The following LRRTM4 variants were observed in gnomAD, a reference collection of about 807,000 sequenced individuals.
LRRTM4 encodes leucine rich repeat transmembrane neuronal 4, also known as leucine-rich repeat transmembrane neuronal protein 4.
In LRRTM4, 25 loss-of-function variants were observed where a neutral mutation model predicts 47.6. The observed-to-expected ratio is 0.53, with a 90% CI of 0.38 to 0.73. The LOEUF is 0.73. LRRTM4 is among the 30% of genes least tolerant of loss of function. The pLI, the probability that LRRTM4 is intolerant of heterozygous loss-of-function variation, is 0.00. For synonymous variants in LRRTM4, 311 were observed against 269.5 expected (o/e 1.15, Z -1.51); for missense variants, 638 against 713.4 (o/e 0.89, Z 1.20).
chr2:77,101,222 C>T (rs1005750661), intron 3 of LRRTM4, among the ~76,000 whole-genome samples: 3 of 152,068 alleles, frequency 2.0e-5, no homozygotes, highest in African/African-American at 7.2e-5. Context: ...GGAAATATTA[C>T]ATGAATAAAT....
chr2:77,327,456 T>A (rs1456213032), intron 3 of LRRTM4, among the ~76,000 whole-genome samples: 3 of 152,196 alleles, frequency 2.0e-5, no homozygotes, highest in Admixed American at 6.5e-5. Context: ...CCATGTATAA[T>A]AAAGATTGTT....
At chr2:77,364,231 C>T (rs1573315299) in intron 3 of LRRTM4, among the ~76,000 whole-genome samples, 1 of 152,032 alleles carries the variant, frequency 6.6e-6, no homozygotes, top group African/African-American at 2.4e-5. Context: ...CAAGTGGCTT[C>T]TGAGCACATG....
At chr2:76,884,068 C>A (rs1038404242) in intron 3 of LRRTM4, among the ~76,000 whole-genome samples, 5 of 151,586 alleles carry the variant, frequency 3.3e-5, no homozygotes, top group African/African-American at 9.7e-5. Context: ...AATCCACCCA[C>A]CTCGACCTCC....
intron 3 of LRRTM4, among the ~76,000 whole-genome samples, chr2:76,833,272 T>C (rs1376934480): frequency 6.6e-6 from 1 of 152,148 alleles, no homozygotes; most frequent in East Asian, 1.9e-4. Context: ...GAATCCTCCG[T>C]GACTTATCCA....
At chr2:77,333,601 G>T (rs2104257060) in intron 3 of LRRTM4, among the ~76,000 whole-genome samples, 1 of 152,334 alleles carries the variant, frequency 6.6e-6, no homozygotes, top group South Asian at 2.1e-4. Flanking sequence ...AAGAATTGAG[G>T]TTTGAGAATC....
intron 3 of LRRTM4, among the ~76,000 whole-genome samples, chr2:77,173,433 C>T (rs1673109281): frequency 6.6e-6 from 1 of 152,082 alleles, no homozygotes; most frequent in Non-Finnish European, 1.5e-5. Flanking sequence ...CTGTAATTTT[C>T]CTGACATATA....
Position 77,096,916 on chromosome 2 carries a change from GA to G in LRRTM4, c.1552-348001del, listed in dbSNP as rs147241326. On this transcript the variant is annotated intron_variant, in intron 3 of 3. Coordinates refer to ENST00000409884, the MANE Select transcript of LRRTM4 (RefSeq NM_001134745.3). ...AATTGGATGAAACTCTTCAGTTAAA[GA>G]ATTGTCATTTTTCAAGCTCCATTCA... 4.0e-4 allele frequency among the ~76,000 whole-genome samples: 60 copies of G among 151,808 alleles called. No homozygotes were observed. The East Asian group carries it at 0.011, about 27-fold the overall frequency.
intron 3 of LRRTM4, among the ~76,000 whole-genome samples, chr2:76,949,748 C>T (rs1675437899): frequency 6.6e-6 from 1 of 151,846 alleles, no homozygotes; most frequent in Non-Finnish European, 1.5e-5. Flanking sequence ...TTTTGCATCA[C>T]CAAACACATT....
chr2:77,520,387 T>G (rs6547148), intron 2 of LRRTM4, among the ~76,000 whole-genome samples: 2 of 151,776 alleles, frequency 1.3e-5, no homozygotes, highest in African/African-American at 4.8e-5. Context: ...TGTGTACTTA[T>G]TGCATAATAG....
chr2:77,096,406 T>C (rs1670813042), intron 3 of LRRTM4, among the ~76,000 whole-genome samples: 1 of 151,572 alleles, frequency 6.6e-6, no homozygotes, highest in Admixed American at 6.6e-5. Context: ...AAAGGTGGCT[T>C]TTCAGGAGTA....
At position 77,218,940 on chromosome 2, in the gene LRRTM4, C is replaced by T. The variant is rs566532256; in HGVS notation, c.1551+299378G>A. 9.3e-4 allele frequency among the ~76,000 whole-genome samples: 142 copies of T among 152,180 alleles called. 1 individual carries two copies. Among genetic ancestry groups the T allele is most frequent in the African/African-American group, 3.2e-3 (133 of 41,520 alleles). ...CAAAGTAAAATGAGGTAGATGAAAA[C>T]GTAAATAAATGAAACAAAATATGTC... On this transcript the variant is annotated intron_variant, in intron 3 of 3. Coordinates refer to ENST00000409884, the MANE Select transcript of LRRTM4 (RefSeq NM_001134745.3).
At chr2:77,019,693 T>C (rs1471575972) in intron 3 of LRRTM4, among the ~76,000 whole-genome samples, 1 of 152,130 alleles carries the variant, frequency 6.6e-6, no homozygotes, top group Non-Finnish European at 1.5e-5. Flanking sequence ...TCTAAATCCA[T>C]TTTAAGACAG....
At chr2:76,883,286 G>A (rs1672982164) in intron 3 of LRRTM4, among the ~76,000 whole-genome samples, 1 of 152,164 alleles carries the variant, frequency 6.6e-6, no homozygotes, top group African/African-American at 2.4e-5. Flanking sequence ...CCCTGAAGAT[G>A]AAAGGCTGCA....
chr2:76,784,997 C>CATGG (rs1558651179), intron 3 of LRRTM4, among the ~76,000 whole-genome samples: 22 of 151,864 alleles, frequency 1.4e-4, no homozygotes, highest in African/African-American at 5.3e-4. Context: ...TCATTTTATC[C>CATGG]AAATTTCATA....
chr2:77,254,920 T>C (rs1450518458), intron 3 of LRRTM4, among the ~76,000 whole-genome samples: 3 of 144,438 alleles, frequency 2.1e-5, no homozygotes, highest in African/African-American at 7.6e-5. Flanking sequence ...AAAAGGACAG[T>C]CATAAGCGAT....
At chr2:77,044,521 A>G (rs912936622) in intron 3 of LRRTM4, among the ~76,000 whole-genome samples, 1 of 151,716 alleles carries the variant, frequency 6.6e-6, no homozygotes, top group South Asian at 2.1e-4. Context: ...TTTTCTAAAC[A>G]TATGCAGATA....
chr2:76,983,183 A>G (rs1454055245), intron 3 of LRRTM4, among the ~76,000 whole-genome samples: 1 of 152,078 alleles, frequency 6.6e-6, no homozygotes. Context: ...CAGTAACGTT[A>G]TAATAAACCT....
At chr2:76,798,879 C>T (rs1429878390) in intron 3 of LRRTM4, among the ~76,000 whole-genome samples, 2 of 152,162 alleles carry the variant, frequency 1.3e-5, no homozygotes, top group Non-Finnish European at 2.9e-5. Flanking sequence ...TGGACACATG[C>T]ACTCTCCCAA....
At chr2:77,020,393 A>G (rs2104101194) in intron 3 of LRRTM4, among the ~76,000 whole-genome samples, 1 of 152,220 alleles carries the variant, frequency 6.6e-6, no homozygotes, top group Admixed American at 6.5e-5. Flanking sequence ...ATTGGCAAAA[A>G]CCACAGTAAC....
Sources: allele counts gnomAD v4.1 joint callset (sites outside exome capture counted in the v4.1 genomes callset), GRCh38; gene constraint gnomAD v4.1.1; transcripts MANE v1.5; gene names NCBI Gene and HGNC (gene_info 2026-07-23, HGNC 2026-07-21).